The following MAGI2 variants were observed in gnomAD, a reference collection of about 807,000 sequenced individuals.
MAGI2 encodes membrane-associated guanylate kinase, WW and PDZ domain-containing protein 2.
MAGI2 carries 35 observed loss-of-function variants against 133.3 expected under a neutral mutation model. The observed-to-expected ratio is 0.26, with a 90% CI of 0.20 to 0.35. The LOEUF (loss-of-function observed/expected upper bound fraction) is 0.35. Ranked by LOEUF, MAGI2 falls within the 10% of genes least tolerant of loss-of-function variation. MAGI2 has a pLI of 1.00. For synonymous variants in MAGI2, 729 were observed against 710.6 expected (o/e 1.03, Z -0.41); for missense variants, 1,636 against 1,863.4 (o/e 0.88, Z 2.25).
chr7:78,399,867 A>G (rs1316219624), intron 6 of MAGI2, among the ~76,000 whole-genome samples: 1 of 151,744 alleles, frequency 6.6e-6, no homozygotes, highest in Non-Finnish European at 1.5e-5. Context: ...AAGCGCATGA[A>G]CACAGCTCAA....
intron 2 of MAGI2, among the ~76,000 whole-genome samples, chr7:78,953,548 A>G (rs549492180): frequency 5.9e-5 from 9 of 152,254 alleles, no homozygotes; most frequent in African/African-American, 2.2e-4. Context: ...CAAATTCTTT[A>G]TTGTCATATT....
At chr7:78,924,846 A>G (rs997479272) in intron 2 of MAGI2, among the ~76,000 whole-genome samples, 1 of 149,432 alleles carries the variant, frequency 6.7e-6, no homozygotes, top group East Asian at 1.9e-4. Context: ...TATTATTATT[A>G]TTACTACTAT....
At chr7:79,044,589 A>G (rs1182687767) in intron 1 of MAGI2, among the ~76,000 whole-genome samples, 3 of 152,120 alleles carry the variant, frequency 2.0e-5, no homozygotes, top group African/African-American at 7.2e-5. Context: ...TGGGCAAGAG[A>G]AAGAAATAAA....
intron 10 of MAGI2, among the ~76,000 whole-genome samples, chr7:78,224,850 T>C (rs1313353105): frequency 6.6e-6 from 1 of 152,054 alleles, no homozygotes; most frequent in Non-Finnish European, 1.5e-5. Context: ...TGGAAGTCCA[T>C]GTCTCTACCG....
chr7:78,802,369 G>C (rs1016080200), intron 2 of MAGI2, among the ~76,000 whole-genome samples: 2 of 152,104 alleles, frequency 1.3e-5, no homozygotes, highest in East Asian at 3.9e-4. Context: ...TATGTGCAAA[G>C]TTTAAGGGTT....
At chr7:78,758,537 T>A (rs1824184391) in intron 2 of MAGI2, among the ~76,000 whole-genome samples, 1 of 152,242 alleles carries the variant, frequency 6.6e-6, no homozygotes, top group South Asian at 2.1e-4. Flanking sequence ...AAAAATGATA[T>A]ATGTATCAAA....
chr7:79,041,870 A>G (rs10231936), intron 1 of MAGI2, among the ~76,000 whole-genome samples: 2,734 of 152,268 alleles, frequency 0.018, 64 homozygotes, highest in African/African-American at 0.059. Context: ...TGAATTTTCA[A>G]TCTAAATATG....
At chr7:79,271,745 G>A (rs991622645) in intron 1 of MAGI2, among the ~76,000 whole-genome samples, 1 of 148,792 alleles carries the variant, frequency 6.7e-6, no homozygotes, top group East Asian at 2.0e-4. Flanking sequence ...CCCCTCCATC[G>A]TTTTTATTGA....
intron 1 of MAGI2, among the ~76,000 whole-genome samples, chr7:79,089,739 G>T (rs192226181): frequency 6.6e-6 from 1 of 151,674 alleles, no homozygotes. Flanking sequence ...CTCAGCAAAC[G>T]AACACAGAAA....
chr7:78,857,140 A>AG (rs1390700754), intron 2 of MAGI2, among the ~76,000 whole-genome samples: 1 of 152,196 alleles, frequency 6.6e-6, no homozygotes, highest in African/African-American at 2.4e-5. Flanking sequence ...TATTAGCTTA[A>AG]GGAGATTTTG....
chr7:78,953,714 A>G (rs1011741785), intron 2 of MAGI2, among the ~76,000 whole-genome samples: 1 of 152,126 alleles, frequency 6.6e-6, no homozygotes, highest in Non-Finnish European at 1.5e-5. Flanking sequence ...TTTAAAAACA[A>G]CAGCTCTACA....
intron 2 of MAGI2, among the ~76,000 whole-genome samples, chr7:78,679,702 G>A (rs1340951809): frequency 1.3e-5 from 2 of 152,168 alleles, no homozygotes; most frequent in East Asian, 3.9e-4. Context: ...AGACAGGTCG[G>A]AGGAAGCACC....
At chr7:78,573,497 C>T (rs1454635595) in intron 3 of MAGI2, among the ~76,000 whole-genome samples, 2 of 137,862 alleles carry the variant, frequency 1.5e-5, no homozygotes, top group Non-Finnish European at 3.0e-5. Context: ...AGAGCCTTCT[C>T]CTCCTCTGGG....
chr7:78,672,565 T>C (rs564593586), intron 2 of MAGI2, among the ~76,000 whole-genome samples: 2 of 152,332 alleles, frequency 1.3e-5, no homozygotes, highest in East Asian at 3.9e-4. Context: ...GCTGGTTTCA[T>C]CTATCTGAAT....
chr7:79,202,545 C>G (rs1828704238), intron 1 of MAGI2, among the ~76,000 whole-genome samples: 1 of 151,900 alleles, frequency 6.6e-6, no homozygotes, highest in African/African-American at 2.4e-5. Context: ...GATCCACTAA[C>G]TACCATACTA....
At chr7:78,590,015 C>A (rs929645856) in intron 3 of MAGI2, among the ~76,000 whole-genome samples, 2 of 152,228 alleles carry the variant, frequency 1.3e-5, no homozygotes, top group Non-Finnish European at 2.9e-5. Flanking sequence ...AAATTGAGAT[C>A]AGGAATAAAA....
chr7:78,704,122 G>A (rs185249883), intron 2 of MAGI2, among the ~76,000 whole-genome samples: 3 of 152,152 alleles, frequency 2.0e-5, no homozygotes, highest in East Asian at 3.9e-4. Flanking sequence ...CATCAACAGA[G>A]TAAACAGACA....
intron 2 of MAGI2, among the ~76,000 whole-genome samples, chr7:78,922,735 A>G (rs1183248683): frequency 1.3e-5 from 2 of 151,916 alleles, no homozygotes; most frequent in Non-Finnish European, 2.9e-5. Context: ...GTCAAATGGT[A>G]TTTCTAGTTC....
intron 2 of MAGI2, among the ~76,000 whole-genome samples, chr7:78,929,493 T>C (rs1384944029): frequency 6.6e-6 from 1 of 152,016 alleles, no homozygotes; most frequent in Non-Finnish European, 1.5e-5. Context: ...AAGTCAAACG[T>C]CAGCAGGAGT....
Sources: allele counts gnomAD v4.1 joint callset (sites outside exome capture counted in the v4.1 genomes callset), GRCh38; gene constraint gnomAD v4.1.1; transcripts MANE v1.5; gene names NCBI Gene and HGNC (gene_info 2026-07-23, HGNC 2026-07-21).